The following MITF variants were observed in gnomAD, a reference collection of about 807,000 sequenced individuals.
MITF encodes the protein melanocyte inducing transcription factor.
MITF carries 17 observed loss-of-function variants against 60.5 expected under a neutral mutation model. That is an observed-to-expected ratio of 0.28 (90% CI 0.19 to 0.42). The LOEUF (loss-of-function observed/expected upper bound fraction) is 0.42. Ranked by LOEUF, MITF falls within the 10% of genes least tolerant of loss-of-function variation. MITF has a pLI of 1.00. For synonymous variants in MITF, 260 were observed against 248.5 expected (o/e 1.05, Z -0.43); for missense variants, 622 against 683.5 (o/e 0.91, Z 1.00).
chr3:69,847,067 T>A (rs2063745002), intron 1 of MITF, among the ~76,000 whole-genome samples: 1 of 152,170 alleles, frequency 6.6e-6, no homozygotes, highest in Admixed American at 6.5e-5. Flanking sequence ...AGGGCATTAG[T>A]GTCACTGATT....
intron 8 of MITF, among the ~76,000 whole-genome samples, chr3:69,958,595 A>G (rs929524614): frequency 6.6e-6 from 1 of 151,902 alleles, no homozygotes; most frequent in Non-Finnish European, 1.5e-5. Flanking sequence ...AAATAGAAGG[A>G]TGCTGAGTTT....
intron 2 of MITF, among the ~76,000 whole-genome samples, chr3:69,885,102 A>G (rs371369707): frequency 6.6e-6 from 1 of 152,068 alleles, no homozygotes; most frequent in Non-Finnish European, 1.5e-5. Flanking sequence ...GTTTGATTTC[A>G]TCAGGTTGTG....
intron 2 of MITF, among the ~76,000 whole-genome samples, chr3:69,917,371 G>T (rs114995383): frequency 1.7e-3 from 235 of 137,474 alleles, no homozygotes; most frequent in African/African-American, 6.1e-3. Context: ...TGATACAGTT[G>T]CCTCCTTTTT....
At position 69,966,543 on chromosome 3, in the gene MITF, G is replaced by A. The variant is rs2066694502; in HGVS notation, c.*1295G>A. Reference sequence around the variant, plus strand: ...GCCCATTATGGTCATTTAAATTGGGGTTTATTTCAGCAAACTTGTTGAATT... The same window carrying A: ...GCCCATTATGGTCATTTAAATTGGGATTTATTTCAGCAAACTTGTTGAATT... On this transcript the variant is annotated 3_prime_UTR_variant, in exon 10 of 10. Transcript: ENST00000352241. 4 of 232,938 alleles carry A rather than the reference G, an allele frequency of 1.7e-5. No homozygotes were observed. The Admixed American group carries it at 2.3e-4, about 13-fold the overall frequency. The allele number at this position is 232,938 out of a possible 1,614,324, so 14.4% of individuals were successfully genotyped here.
chr3:69,895,583 C>T (rs1331095786), intron 2 of MITF, among the ~76,000 whole-genome samples: 1 of 151,854 alleles, frequency 6.6e-6, no homozygotes, highest in Admixed American at 6.6e-5. Context: ...ATCTCTGACA[C>T]AATTTTTGGT....
At chr3:69,797,354 CTTA>C (rs1240203226) in intron 1 of MITF, among the ~76,000 whole-genome samples, 2 of 151,748 alleles carry the variant, frequency 1.3e-5, no homozygotes, top group Non-Finnish European at 2.9e-5. Flanking sequence ...TAAATGAAGA[CTTA>C]TTATAGCATC....
intron 1 of MITF, among the ~76,000 whole-genome samples, chr3:69,845,177 A>G (rs1001758435): frequency 6.6e-6 from 1 of 151,768 alleles, no homozygotes; most frequent in African/African-American, 2.4e-5. Flanking sequence ...ATTTTCCATC[A>G]TTGGTTCATC....
intron 1 of MITF, among the ~76,000 whole-genome samples, chr3:69,765,702 G>A (rs955106351): frequency 1.3e-5 from 2 of 152,196 alleles, no homozygotes; most frequent in African/African-American, 4.8e-5. Flanking sequence ...AGTAGTTAAG[G>A]TTTGGATTAG....
At chr3:69,932,278 A>G (rs1319365105) in intron 2 of MITF, among the ~76,000 whole-genome samples, 3 of 152,246 alleles carry the variant, frequency 2.0e-5, no homozygotes, top group Non-Finnish European at 4.4e-5. Flanking sequence ...GCCCTGGACA[A>G]CATGTCAACT....
intron 4 of MITF, 24 bp from the exon 5 acceptor site, chr3:69,941,212 C>G (rs775682278): frequency 2.6e-6 from 4 of 1,510,544 alleles, no homozygotes; most frequent in Non-Finnish European, 3.7e-6. Context: ...TTTTGTCTCT[C>G]TTCTCTTACC....
chr3:69,870,364 A>G lies in MITF; in HGVS notation c.105-8770A>G, dbSNP rs1000662371. ...TGTGTGTATATATGTATGTGTGTGT[A>G]TATATACGTGTGTGTGTATATATAT... On this transcript the variant is annotated intron_variant, in intron 1 of 9. Transcript: ENST00000352241. 2.0e-5 allele frequency among the ~76,000 whole-genome samples: 3 copies of G among 149,372 alleles called. No individual in the cohort carries two copies. In the East Asian group the frequency reaches 5.9e-4, roughly 29 times the overall value.
intron 9 of MITF, among the ~76,000 whole-genome samples, chr3:69,960,381 A>T (rs189876796): frequency 6.6e-6 from 1 of 152,178 alleles, no homozygotes; most frequent in African/African-American, 2.4e-5. Flanking sequence ...CATCCTACTC[A>T]GTGGGTATAT....
intron 1 of MITF, among the ~76,000 whole-genome samples, chr3:69,869,775 A>G (rs2064188286): frequency 5.3e-5 from 8 of 152,142 alleles, no homozygotes; most frequent in Admixed American, 5.2e-4. Flanking sequence ...CTGCTTTGTC[A>G]TAAACAAAAG....
chr3:69,750,325 AC>A (rs1162614275), intron 1 of MITF, among the ~76,000 whole-genome samples: 2 of 151,424 alleles, frequency 1.3e-5, no homozygotes, highest in Non-Finnish European at 2.9e-5. Flanking sequence ...CTTGGGTGCT[AC>A]CACAACAGTA....
At chr3:69,868,797 G>T (rs945951267) in intron 1 of MITF, among the ~76,000 whole-genome samples, 1 of 151,654 alleles carries the variant, frequency 6.6e-6, no homozygotes, top group Non-Finnish European at 1.5e-5. Flanking sequence ...TACTATGGAG[G>T]CTGAGAAAGG....
intron 1 of MITF, among the ~76,000 whole-genome samples, chr3:69,753,252 G>A (rs943679076): frequency 6.6e-6 from 1 of 152,258 alleles, no homozygotes; most frequent in South Asian, 2.1e-4. Context: ...TGGCTTCCAT[G>A]TGGTGTTAAG....
At chr3:69,822,048 T>C (rs1197625929) in intron 1 of MITF, among the ~76,000 whole-genome samples, 1 of 152,174 alleles carries the variant, frequency 6.6e-6, no homozygotes, top group Non-Finnish European at 1.5e-5. Flanking sequence ...CAGCCCAAAC[T>C]GGATTTTCTT....
At chr3:69,744,418 T>A (rs1156732845) in intron 1 of MITF, among the ~76,000 whole-genome samples, 1 of 152,178 alleles carries the variant, frequency 6.6e-6, no homozygotes, top group Non-Finnish European at 1.5e-5. Context: ...GCCATCGATG[T>A]CTGTCCCTAA....
intron 2 of MITF, among the ~76,000 whole-genome samples, chr3:69,888,132 C>CT (rs1266522398): frequency 2.0e-5 from 3 of 152,028 alleles, no homozygotes; most frequent in Non-Finnish European, 4.4e-5. Context: ...ATGCATAACT[C>CT]TGTTGTAATC....
Sources: allele counts gnomAD v4.1 joint callset (sites outside exome capture counted in the v4.1 genomes callset), GRCh38; gene constraint gnomAD v4.1.1; transcripts MANE v1.5; gene names NCBI Gene and HGNC (gene_info 2026-07-23, HGNC 2026-07-21).